LRP1B: variants seen among roughly 807,000 people sequenced by gnomAD.
LRP1B encodes low-density lipoprotein receptor-related protein 1B.
In LRP1B, 217 loss-of-function variants were observed where a neutral mutation model predicts 556.6. The observed-to-expected ratio is 0.39, with a 90% CI of 0.35 to 0.44. The LOEUF is 0.44. LRP1B is among the 20% of genes least tolerant of loss of function. The pLI, the probability that LRP1B is intolerant of heterozygous loss-of-function variation, is 1.00. For synonymous variants in LRP1B, 2,047 were observed against 1,865.8 expected (o/e 1.10, Z -2.50); for missense variants, 5,053 against 5,620.8 (o/e 0.90, Z 3.23).
chr2:140,340,195 G>A (rs1043539035), intron 77 of LRP1B, among the ~76,000 whole-genome samples: 5 of 151,026 alleles, frequency 3.3e-5, no homozygotes, highest in African/African-American at 9.7e-5. Context: ...GAAAAACAAA[G>A]ATATCACAGA....
intron 22 of LRP1B, among the ~76,000 whole-genome samples, chr2:140,904,860 G>T (rs1210960265): frequency 6.6e-6 from 1 of 151,964 alleles, no homozygotes; most frequent in Non-Finnish European, 1.5e-5. Flanking sequence ...AAAAAAAATT[G>T]TTACAATGCT....
chr2:140,637,670 A>G (rs17201736), intron 41 of LRP1B, among the ~76,000 whole-genome samples: 11,219 of 152,126 alleles, frequency 0.074, 506 homozygotes, highest in African/African-American at 0.11. Context: ...GTTGTAGTCC[A>G]TCCTAGACAC....
chr2:141,832,636 G>A (rs1482252518), intron 1 of LRP1B, among the ~76,000 whole-genome samples: 1 of 151,520 alleles, frequency 6.6e-6, no homozygotes, highest in Non-Finnish European at 1.5e-5. Context: ...CTAATGCTGT[G>A]GAAAAGAATC....
At chr2:141,221,643 G>A (rs1215631043) in intron 6 of LRP1B, among the ~76,000 whole-genome samples, 1 of 152,060 alleles carries the variant, frequency 6.6e-6, no homozygotes, top group Non-Finnish European at 1.5e-5. Context: ...AGCACCACAT[G>A]GCACTTGCTC....
At chr2:140,863,526 A>C (rs936825022) in intron 27 of LRP1B, among the ~76,000 whole-genome samples, 9 of 151,986 alleles carry the variant, frequency 5.9e-5, no homozygotes, top group Non-Finnish European at 1.2e-4. Context: ...AGAGGAAAAA[A>C]CTGTGTATTT....
At position 140,841,007 on chromosome 2, in the gene LRP1B, A is replaced by T. The variant is rs761877936; in HGVS notation, c.5025T>A (p.Ile1675=). 6.2e-7 allele frequency: 1 copy of T among 1,613,670 alleles called. No individual in the cohort carries two copies. The highest frequency in any genetic ancestry group is 1.1e-5 in the South Asian group (1 of 91,044). ...AAGAGCCATCTAGCCTTGCCACATT[A>T]ATTTGCGTTTCATCAAATTCTGAGC... ...WISSEFDETQ[I]NVARLDGSLK... is the part of the protein sequence containing the mutation. The change falls in exon 30 of 91, where the codon ATT becomes ATA. Residue 1675 remains isoleucine, a synonymous_variant. Coordinates refer to ENST00000389484, the MANE Select transcript of LRP1B (RefSeq NM_018557.3).
intron 2 of LRP1B, among the ~76,000 whole-genome samples, chr2:141,532,645 C>T (rs867142734): frequency 6.6e-6 from 1 of 151,842 alleles, no homozygotes. Flanking sequence ...CATTAATTTT[C>T]AGAATAGCTA....
At chr2:141,945,559 C>T (rs1357647755) in intron 1 of LRP1B, among the ~76,000 whole-genome samples, 5 of 150,104 alleles carry the variant, frequency 3.3e-5, no homozygotes, top group Non-Finnish European at 3.0e-5. Flanking sequence ...ATATATATCT[C>T]CACAATTGAT....
At chr2:141,203,017 C>T (rs1465444384) in intron 6 of LRP1B, among the ~76,000 whole-genome samples, 4 of 152,050 alleles carry the variant, frequency 2.6e-5, no homozygotes, top group African/African-American at 9.7e-5. Context: ...CCAGACCTGC[C>T]TTACAAGAGT....
chr2:141,125,603 G>A (rs188662400), intron 7 of LRP1B, among the ~76,000 whole-genome samples: 4 of 152,142 alleles, frequency 2.6e-5, no homozygotes, highest in East Asian at 3.9e-4. Flanking sequence ...CACAGTGAAG[G>A]CACACACTAT....
chr2:141,576,085 A>C (rs1250249317), intron 2 of LRP1B, among the ~76,000 whole-genome samples: 3 of 152,206 alleles, frequency 2.0e-5, no homozygotes, highest in Non-Finnish European at 4.4e-5. Flanking sequence ...CAGCAACCCC[A>C]TTACTGGGTG....
chr2:141,400,600 G>C (rs939382038), intron 3 of LRP1B, among the ~76,000 whole-genome samples: 2 of 152,076 alleles, frequency 1.3e-5, no homozygotes, highest in African/African-American at 4.8e-5. Context: ...AAATACTGCC[G>C]TGGATCATTA....
rs1447599236 is a variant in LRP1B, at chr2:141,865,171, T to C, written c.83-54770A>G. Among the ~76,000 whole-genome samples the C allele has an allele frequency of 2.0e-5, 3 of 152,306 alleles. No individual in the cohort carries two copies. The East Asian group carries it at 5.8e-4, about 29-fold the overall frequency. ...CAAGATCTTGTCTCGCATTTTTGTT[T>C]GTTTTTCTCTGCATTGTGGTTGTAT... On this transcript the variant is annotated intron_variant, in intron 1 of 90. Coordinates refer to ENST00000389484, the MANE Select transcript of LRP1B (RefSeq NM_018557.3).
chr2:140,477,358 A>C (rs1255292153), intron 59 of LRP1B, among the ~76,000 whole-genome samples: 1 of 152,098 alleles, frequency 6.6e-6, no homozygotes, highest in African/African-American at 2.4e-5. Flanking sequence ...ATGTTTTTTA[A>C]GAATTGCATA....
intron 7 of LRP1B, among the ~76,000 whole-genome samples, chr2:141,062,862 A>G (rs1398167507): frequency 6.6e-6 from 1 of 151,942 alleles, no homozygotes; most frequent in Non-Finnish European, 1.5e-5. Flanking sequence ...ATATTCCCAA[A>G]TCACAAAATT....
intron 79 of LRP1B, among the ~76,000 whole-genome samples, chr2:140,331,018 G>A (rs1432989495): frequency 6.6e-6 from 1 of 152,010 alleles, no homozygotes; most frequent in East Asian, 1.9e-4. Context: ...CATACTATTA[G>A]ATAGTACTAC....
chr2:140,288,156 T>TC (rs1406168248), intron 84 of LRP1B, among the ~76,000 whole-genome samples: 1 of 150,928 alleles, frequency 6.6e-6, no homozygotes, highest in Non-Finnish European at 1.5e-5. Flanking sequence ...TGGGGATTTT[T>TC]TTTTTTCCTT....
intron 41 of LRP1B, among the ~76,000 whole-genome samples, chr2:140,609,864 G>A (rs910651660): frequency 1.1e-4 from 17 of 152,022 alleles, no homozygotes; most frequent in Non-Finnish European, 2.2e-4. Flanking sequence ...TAATAAAAAA[G>A]CATGTATCAT....
In LRP1B at chr2:140,475,207, G is replaced by A. The variant is rs567834250; in HGVS notation, c.9556C>T (p.Arg3186Cys). 40 of 1,611,314 alleles carry A rather than the reference G, an allele frequency of 2.5e-5. No homozygotes were observed. Among genetic ancestry groups the A allele is most frequent in the African/African-American group, 1.7e-4 (13 of 74,884 alleles). The change falls in exon 60 of 91, where the codon CGT becomes TGT. Residue 3186 changes from arginine (R) to cysteine (C), a missense_variant. Physicochemically the swap from Arg to Cys is radical, Grantham distance 180 (BLOSUM62 -3). This residue lies in a region of LRP1B where 3,619 missense variants were observed against 3,931.9 expected (regional missense o/e 0.92). Coordinates refer to ENST00000389484, the MANE Select transcript of LRP1B (RefSeq NM_018557.3). Reference sequence around the variant, plus strand: ...TTTTCATCGGCCCAGTAGAGTCTACGATTAACATAATCTATTGTTAGTGCC... The same window carrying A: ...TTTTCATCGGCCCAGTAGAGTCTACAATTAACATAATCTATTGTTAGTGCC... ...PMALTIDYVN[R>C]RLYWADENHI... is the part of the protein sequence containing the mutation.
Sources: allele counts gnomAD v4.1 joint callset (sites outside exome capture counted in the v4.1 genomes callset), GRCh38; gene constraint gnomAD v4.1.1; regional missense constraint gnomAD v4.1.1; transcripts MANE v1.5; gene names NCBI Gene and HGNC (gene_info 2026-07-23, HGNC 2026-07-21).